DYNC2H1: variants seen among roughly 807,000 people sequenced by gnomAD.
The protein encoded by DYNC2H1 is cytoplasmic dynein 2 heavy chain 1.
In DYNC2H1, 410 loss-of-function variants were observed where a neutral mutation model predicts 570.0. That is an observed-to-expected ratio of 0.72 (90% CI 0.66 to 0.78). The LOEUF (loss-of-function observed/expected upper bound fraction) is 0.78, where lower values mean the gene tolerates loss of function less well. DYNC2H1 is among the 30% of genes least tolerant of loss of function. The pLI, the probability that DYNC2H1 is intolerant of heterozygous loss-of-function variation, is 0.00. For synonymous variants in DYNC2H1, 1,688 were observed against 1,677.6 expected (o/e 1.01, Z -0.15); for missense variants, 4,865 against 5,046.4 (o/e 0.96, Z 1.09).
At chr11:103,174,215 T>G (rs1400907922) in intron 36 of DYNC2H1, 45 bp downstream of exon 36, 1 of 1,445,240 alleles carries the variant, frequency 6.9e-7, no homozygotes, top group Admixed American at 2.1e-5. Context: ...TTTAAAAACA[T>G]AAGCGTTAAT....
intron 84 of DYNC2H1, among the ~76,000 whole-genome samples, chr11:103,418,166 C>T (rs896716448): frequency 8.7e-6 from 1 of 115,596 alleles, no homozygotes; most frequent in African/African-American, 3.6e-5. Flanking sequence ...ACCACATATC[C>T]TAGCTAGTAA....
chr11:103,274,235 A>G (rs1165289470), intron 70 of DYNC2H1, among the ~76,000 whole-genome samples: 1 of 151,966 alleles, frequency 6.6e-6, no homozygotes, highest in Non-Finnish European at 1.5e-5. Context: ...TGACTCATAC[A>G]TGTAATCTCA....
At position 103,126,306 on chromosome 11, in the gene DYNC2H1, A is replaced by T. The variant is rs1450225376; in HGVS notation, c.1857+1011A>T. ...TTTGCTTTGTATGCTTTTTATTGGCATTCCTGTCCTGCACCTAGTATATCC... is the reference window on the plus strand; with the variant it reads ...TTTGCTTTGTATGCTTTTTATTGGCTTTCCTGTCCTGCACCTAGTATATCC... On this transcript the variant is annotated intron_variant, in intron 12 of 88. Coordinates refer to ENST00000375735, the MANE Select transcript of DYNC2H1 (RefSeq NM_001377.3). Among the ~76,000 whole-genome samples, 5 of 152,232 alleles carry T rather than the reference A, an allele frequency of 3.3e-5. No homozygotes were observed. The East Asian group carries it at 9.7e-4, about 29-fold the overall frequency.
chr11:103,283,764 C>T (rs1315080360), intron 73 of DYNC2H1, among the ~76,000 whole-genome samples: 2 of 151,824 alleles, frequency 1.3e-5, no homozygotes, highest in Non-Finnish European at 2.9e-5. Flanking sequence ...AACTATGTTT[C>T]TTGTTGCATA....
chr11:103,451,361 T>A (rs1944597037), intron 85 of DYNC2H1, among the ~76,000 whole-genome samples: 1 of 118,824 alleles, frequency 8.4e-6, no homozygotes, highest in Non-Finnish European at 1.6e-5. Flanking sequence ...TGAGATGGAG[T>A]CTTGCTCTAT....
At chr11:103,128,347 T>A (rs1050942867) in intron 12 of DYNC2H1, among the ~76,000 whole-genome samples, 3 of 152,170 alleles carry the variant, frequency 2.0e-5, no homozygotes, top group African/African-American at 7.2e-5. Flanking sequence ...AGTTAGGAAA[T>A]CTGTTGCACT....
intron 83 of DYNC2H1, among the ~76,000 whole-genome samples, chr11:103,365,364 G>A (rs1172752944): frequency 5.4e-5 from 8 of 146,942 alleles, no homozygotes; most frequent in Non-Finnish European, 3.0e-5. Flanking sequence ...TCCGGCTCAG[G>A]AAAAAAAAAA....
chr11:103,476,899 T>C (rs775595880), intron 88 of DYNC2H1, among the ~76,000 whole-genome samples: 2 of 152,174 alleles, frequency 1.3e-5, no homozygotes, highest in African/African-American at 4.8e-5. Context: ...TTAAGAGATG[T>C]AGTAGCTGCC....
chr11:103,138,774 T>A (rs1027527146), intron 17 of DYNC2H1, among the ~76,000 whole-genome samples: 5 of 152,180 alleles, frequency 3.3e-5, no homozygotes, highest in African/African-American at 1.2e-4. Context: ...ATTGGAATAG[T>A]TTCAGAAGGA....
chr11:103,130,163 T>C (rs1030545725), intron 13 of DYNC2H1, among the ~76,000 whole-genome samples: 1 of 152,166 alleles, frequency 6.6e-6, no homozygotes, highest in African/African-American at 2.4e-5. Flanking sequence ...ACTCAAAACC[T>C]AGGTTTTTAT....
intron 83 of DYNC2H1, among the ~76,000 whole-genome samples, chr11:103,372,255 G>C (rs1423469460): frequency 2.0e-5 from 3 of 151,984 alleles, no homozygotes; most frequent in Non-Finnish European, 4.4e-5. Flanking sequence ...CTGAGCTCAA[G>C]TGATCTGCCT....
At chr11:103,309,977 A>G (rs972070682) in intron 78 of DYNC2H1, among the ~76,000 whole-genome samples, 2 of 152,134 alleles carry the variant, frequency 1.3e-5, no homozygotes, top group African/African-American at 4.8e-5. Flanking sequence ...TTGAATCACT[A>G]TAGGAAATTT....
At chr11:103,477,630 G>A (rs1945596941) in intron 88 of DYNC2H1, among the ~76,000 whole-genome samples, 1 of 151,940 alleles carries the variant, frequency 6.6e-6, no homozygotes, top group African/African-American at 2.4e-5. Flanking sequence ...AGGAGATGGA[G>A]ACCATCCTGG....
rs1172596781 is a variant in DYNC2H1 at position 103,275,604 on chromosome 11, C to G, written c.10696-4744C>G. The stretch of plus-strand genomic sequence containing the variant: ...TATTTGTCATATAATTGGAATCATA[C>G]AGTATGTCAGTATGTAGCCTTTGTA... On this transcript the variant is annotated intron_variant, in intron 70 of 88. Coordinates refer to ENST00000375735, the MANE Select transcript of DYNC2H1 (RefSeq NM_001377.3). This position sits in a 1 kb window ranked among gnomAD's most constrained non-coding sequence, Gnocchi z 4.8. 2.6e-5 allele frequency among the ~76,000 whole-genome samples: 4 copies of G among 152,110 alleles called. No homozygotes were observed. Among genetic ancestry groups the G allele is most frequent in the Non-Finnish European group, 5.9e-5 (4 of 68,028 alleles).
rs1396860797 is a variant in DYNC2H1 at position 103,472,551 on chromosome 11, T to G, written c.12765+3846T>G. Among the ~76,000 whole-genome samples, 3 of 152,116 alleles carry G rather than the reference T, an allele frequency of 2.0e-5. No individual in the cohort carries two copies. The highest frequency in any genetic ancestry group is 7.2e-5 in the African/African-American group (3 of 41,412). On this transcript the variant is annotated intron_variant, in intron 88 of 88. Coordinates refer to ENST00000375735, the MANE Select transcript of DYNC2H1 (RefSeq NM_001377.3). This position sits in a 1 kb window ranked among gnomAD's most constrained non-coding sequence, Gnocchi z 4.1. ...AGTTTGGTACAGCAAATTTTCTATT[T>G]TTCTGATGAAAGGACTGAGAATCAG...
chr11:103,434,105 T>C (rs552395475), intron 84 of DYNC2H1, among the ~76,000 whole-genome samples: 2 of 152,228 alleles, frequency 1.3e-5, no homozygotes, highest in South Asian at 4.1e-4. Flanking sequence ...AAGATGTAGC[T>C]CATGTTTGCA....
chr11:103,152,376 A>G, intron 21 of DYNC2H1, 91 bp downstream of exon 21: 1 of 1,233,086 alleles, frequency 8.1e-7, no homozygotes, highest in Non-Finnish European at 1.1e-6. Flanking sequence ...GCCCAGGTTT[A>G]TAATAATTTA....
chr11:103,378,598 C>T (rs960672646), intron 83 of DYNC2H1, among the ~76,000 whole-genome samples: 1 of 152,172 alleles, frequency 6.6e-6, no homozygotes, highest in East Asian at 1.9e-4. Context: ...AAATTTGGAT[C>T]TCATTGAAAT....
Position 103,243,666 on chromosome 11 carries a change from C to G in DYNC2H1, c.9820-27C>G. The stretch of plus-strand genomic sequence containing the variant: ...ATGAAAGCTTATAATCATTAAAAAA[C>G]ATTACTTTTCCTTTTTTTTATACTA... On this transcript the variant is annotated intron_variant, in intron 63 of 88. Transcript: ENST00000375735. The surrounding 1 kb of genome is among the most constrained non-coding windows in gnomAD (Gnocchi z 4.8). 2 of 1,470,886 alleles carry G rather than the reference C, an allele frequency of 1.4e-6. No homozygotes were observed. The highest frequency in any genetic ancestry group is 1.9e-6 in the Non-Finnish European group (2 of 1,072,972). 91.1% of individuals were successfully genotyped at this position (1,470,886 alleles called of 1,614,324 possible).
Sources: gnomAD v4.1 joint callset for allele counts (sites outside exome capture counted in the v4.1 genomes callset) on GRCh38, gnomAD v4.1.1 for gene constraint, Gnocchi (gnomAD v3.1) non-coding constraint, MANE v1.5 for transcripts, NCBI Gene and HGNC (gene_info 2026-07-23, HGNC 2026-07-21) for gene names.